The following CPQ variants were observed in gnomAD, a reference collection of about 807,000 sequenced individuals.
The protein encoded by CPQ is Ser-Met dipeptidase.
CPQ carries 37 observed loss-of-function variants against 45.7 expected under a neutral mutation model. That is an observed-to-expected ratio of 0.81 (90% CI 0.62 to 1.07). The LOEUF is 1.07. CPQ is among the 50% of genes least tolerant of loss of function. The pLI is 0.00. For missense variants in CPQ, 537 were observed against 572.9 expected, an observed-to-expected ratio of 0.94 and a Z score of 0.64; for synonymous variants, 186 against 205.8, an observed-to-expected ratio of 0.90 and a Z score of 0.82.
At chr8:97,019,284 C>T (rs989822900) in intron 5 of CPQ, among the ~76,000 whole-genome samples, 1 of 152,074 alleles carries the variant, frequency 6.6e-6, no homozygotes, top group Non-Finnish European at 1.5e-5. Context: ...CTCTTTAAAG[C>T]ATAAATCACA....
At chr8:96,943,808 G>T (rs1433629950) in intron 4 of CPQ, among the ~76,000 whole-genome samples, 1 of 152,092 alleles carries the variant, frequency 6.6e-6, no homozygotes, top group Non-Finnish European at 1.5e-5. Context: ...AGCTTCTAAT[G>T]CATATTGGGG....
chr8:97,128,579 G>A (rs908232984), intron 7 of CPQ, among the ~76,000 whole-genome samples: 25 of 152,278 alleles, frequency 1.6e-4, no homozygotes, highest in African/African-American at 5.8e-4. Flanking sequence ...CAGCTACTCA[G>A]GAGGCTGAGG....
chr8:96,719,383 CG>C (rs1249095779), intron 1 of CPQ, among the ~76,000 whole-genome samples: 4 of 152,196 alleles, frequency 2.6e-5, no homozygotes, highest in Admixed American at 6.5e-5. Context: ...GCTCCAAGTG[CG>C]GGCCCGCCAA....
intron 2 of CPQ, among the ~76,000 whole-genome samples, chr8:96,809,492 A>G (rs1811130883): frequency 6.6e-6 from 1 of 152,168 alleles, no homozygotes; most frequent in Admixed American, 6.6e-5. Context: ...CAGACACAAA[A>G]CATTACGCAC....
At chr8:96,836,687 G>A (rs1177592272) in intron 3 of CPQ, among the ~76,000 whole-genome samples, 1 of 152,096 alleles carries the variant, frequency 6.6e-6, no homozygotes, top group East Asian at 1.9e-4. Context: ...CTGTTGCTTT[G>A]TGAAACTGGG....
intron 7 of CPQ, among the ~76,000 whole-genome samples, chr8:97,139,599 A>AACTT (rs1812120893): frequency 6.6e-6 from 1 of 152,138 alleles, no homozygotes; most frequent in African/African-American, 2.4e-5. Context: ...TAACTCAGAA[A>AACTT]ACTTCATACT....
chr8:96,678,669 T>C (rs1482772568), intron 1 of CPQ, among the ~76,000 whole-genome samples: 2 of 152,088 alleles, frequency 1.3e-5, no homozygotes, highest in East Asian at 3.8e-4. Context: ...GCAAAGCATT[T>C]TTTCATATAC....
intron 2 of CPQ, among the ~76,000 whole-genome samples, chr8:96,796,403 A>G (rs901177056): frequency 6.6e-6 from 1 of 152,182 alleles, no homozygotes; most frequent in South Asian, 2.1e-4. Context: ...TAATAAATCA[A>G]TTGTAATTGA....
At chr8:96,793,580 C>T (rs1810881666) in intron 2 of CPQ, among the ~76,000 whole-genome samples, 1 of 152,096 alleles carries the variant, frequency 6.6e-6, no homozygotes, top group South Asian at 2.1e-4. Context: ...TGACTTGGCC[C>T]CTCCAAAATC....
At chr8:97,119,328 CAAAAAA>C (rs34998181) in intron 7 of CPQ, among the ~76,000 whole-genome samples, 10,646 of 72,170 alleles carry the variant, frequency 0.15, 465 homozygotes, top group South Asian at 0.19. Flanking sequence ...GACTCCATCT[CAAAAAA>C]AAAAAAAAAA....
chr8:97,126,866 A>C (rs1811855553), intron 7 of CPQ, among the ~76,000 whole-genome samples: 1 of 152,228 alleles, frequency 6.6e-6, no homozygotes, highest in Admixed American at 6.5e-5. Context: ...GAATAGGTCT[A>C]TGCGTATATG....
intron 4 of CPQ, among the ~76,000 whole-genome samples, chr8:96,932,928 A>G (rs756768669): frequency 3.9e-5 from 6 of 152,154 alleles, no homozygotes; most frequent in African/African-American, 7.2e-5. Context: ...TGCATATAAT[A>G]AGGAATTAAG....
At chr8:96,896,315 A>T (rs1334626249) in intron 4 of CPQ, among the ~76,000 whole-genome samples, 2 of 152,156 alleles carry the variant, frequency 1.3e-5, no homozygotes, top group African/African-American at 4.8e-5. Context: ...TTCCTGTAAG[A>T]TAATAGCCAG....
chr8:97,006,123 G>T (rs1293966259), intron 5 of CPQ, among the ~76,000 whole-genome samples: 1 of 152,212 alleles, frequency 6.6e-6, no homozygotes, highest in Non-Finnish European at 1.5e-5. Context: ...CTGAAATGAA[G>T]TCCTTGGACC....
chr8:96,723,574 C>T (rs772514461), intron 1 of CPQ, among the ~76,000 whole-genome samples: 4 of 152,096 alleles, frequency 2.6e-5, no homozygotes, highest in Non-Finnish European at 5.9e-5. Context: ...TTTTATTACC[C>T]CCATCTCTCC....
intron 7 of CPQ, among the ~76,000 whole-genome samples, chr8:97,096,447 AG>A (rs1811211621): frequency 6.6e-6 from 1 of 152,220 alleles, no homozygotes; most frequent in Non-Finnish European, 1.5e-5. Flanking sequence ...TCTCCTAGAA[AG>A]GGAAATAAGA....
intron 7 of CPQ, among the ~76,000 whole-genome samples, chr8:97,122,966 TAAAATAAAATA>T (rs1811747936): frequency 1.7e-5 from 1 of 57,394 alleles, no homozygotes; most frequent in Non-Finnish European, 2.7e-5. Context: ...TAAAATAAAA[TAAAATAAAATA>T]AAATTAAAAT....
intron 7 of CPQ, among the ~76,000 whole-genome samples, chr8:97,129,616 C>A (rs529197703): frequency 2.0e-4 from 30 of 152,222 alleles, no homozygotes; most frequent in African/African-American, 7.2e-4. Context: ...CTCTGTACCA[C>A]GCTCACAGCG....
chr8:96,833,007 G>A (rs980014965), intron 2 of CPQ, among the ~76,000 whole-genome samples: 4 of 151,982 alleles, frequency 2.6e-5, no homozygotes, highest in Non-Finnish European at 4.4e-5. Flanking sequence ...AGGTAATGAG[G>A]GCCTGCTGTG....
Sources: gnomAD v4.1 joint callset for allele counts (sites outside exome capture counted in the v4.1 genomes callset) on GRCh38, gnomAD v4.1.1 for gene constraint, MANE v1.5 for transcripts, NCBI Gene and HGNC (gene_info 2026-07-23, HGNC 2026-07-21) for gene names.